DHX38: variants seen among roughly 807,000 people sequenced by gnomAD.
The protein encoded by DHX38 is DEAH-box helicase 38.
A neutral mutation model predicts 153.1 loss-of-function variants in DHX38; 100 were observed. The observed-to-expected ratio is 0.65, with a 90% CI of 0.56 to 0.77. The LOEUF (loss-of-function observed/expected upper bound fraction) is 0.77, where lower values mean the gene tolerates loss of function less well. DHX38 is among the 30% of genes least tolerant of loss of function. DHX38 has a pLI of 0.00. For missense variants in DHX38, 1,440 were observed against 1,654.0 expected (o/e 0.87, Z 2.24); for synonymous variants, 650 against 631.7 (o/e 1.03, Z -0.43).
In DHX38 at chr16:72,096,463, A is replaced by G; in HGVS notation, c.306A>G (p.Gln102=). The G allele has an allele frequency of 6.2e-7, 1 of 1,612,576 alleles. No homozygotes were observed. Residue 102 remains glutamine (Q), a synonymous_variant, in exon 2 of 27, where the codon CAA becomes CAG. Coordinates refer to ENST00000268482, the MANE Select transcript of DHX38 (RefSeq NM_014003.4). ...AAGAGGGCGGTGACCAGGCTGGCCAAAATATCCGGAAAGACAGGTAAAGGC... is the reference window on the plus strand; with the variant it reads ...AAGAGGGCGGTGACCAGGCTGGCCAGAATATCCGGAAAGACAGGTAAAGGC... The part of the protein sequence containing the change: ...AEEEGGDQAG[Q]NIRKDRHYRS...
At position 72,096,278 on chromosome 16, in the gene DHX38, G is replaced by T; in HGVS notation, c.121G>T (p.Ala41Ser). The T allele has an allele frequency of 6.2e-7, 1 of 1,614,178 alleles. No homozygotes were observed. Among genetic ancestry groups the T allele is most frequent in the East Asian group, 2.2e-5 (1 of 44,880 alleles). ...SAASEQHVFK[A>S]PAPRPSLLGL... is the part of the protein sequence containing the mutation. ...GGCCAGCGAGCAGCATGTCTTCAAG[G>T]CTCCTGCTCCCCGCCCTTCATTACT... The change falls in exon 2 of 27, where the codon GCT becomes TCT. Residue 41 changes from alanine to serine, a missense_variant. Around this residue, in one of 6 missense-constraint regions of DHX38, gnomAD observed 483 missense variants for 465.1 expected, o/e 1.04. Coordinates refer to ENST00000268482, the MANE Select transcript of DHX38 (RefSeq NM_014003.4).
At position 72,096,322 on chromosome 16, in the gene DHX38, T is replaced by A; in HGVS notation, c.165T>A (p.Ala55=). 6.2e-7 allele frequency: 1 copy of A among 1,614,210 alleles called. No individual in the cohort carries two copies. Among genetic ancestry groups the A allele is most frequent in the Non-Finnish European group, 8.5e-7 (1 of 1,180,030 alleles). The part of the protein sequence containing the change: ...RPSLLGLDLL[A]SLKRREREEK... Reference sequence around the variant, plus strand: ...CATTACTCGGACTGGACTTGCTGGCTTCCCTGAAACGGAGAGAGCGAGAGG... The same window carrying A: ...CATTACTCGGACTGGACTTGCTGGCATCCCTGAAACGGAGAGAGCGAGAGG... Residue 55 remains alanine (A), a synonymous_variant, in exon 2 of 27, where the codon GCT becomes GCA. Coordinates refer to ENST00000268482, the MANE Select transcript of DHX38 (RefSeq NM_014003.4).
At chr16:72,105,477 C>T (rs201627330) in intron 17 of DHX38, 40 bp from the exon 18 acceptor site, 39 of 1,610,630 alleles carry the variant, frequency 2.4e-5, no homozygotes, top group Middle Eastern at 1.6e-4. Flanking sequence ...TTTCCTGTCT[C>T]GAGGGACTCA....
intron 11 of DHX38, among the ~76,000 whole-genome samples, chr16:72,102,255 G>T (rs61060922): frequency 0.044 from 6,728 of 152,242 alleles, 160 homozygotes; most frequent in Non-Finnish European, 0.056. Flanking sequence ...CGAGAAGTTG[G>T]TACTATTGAT....
In DHX38 at chr16:72,096,290, C is replaced by T. The variant is rs372776663; in HGVS notation, c.133C>T (p.Arg45Cys). Residue 45 changes from arginine (R) to cysteine (C), a missense_variant, in exon 2 of 27, where the codon CGC becomes TGC. This residue lies in a region of DHX38 where 483 missense variants were observed against 465.1 expected (regional missense o/e 1.04). Coordinates refer to ENST00000268482, the MANE Select transcript of DHX38 (RefSeq NM_014003.4). ...GCATGTCTTCAAGGCTCCTGCTCCC[C>T]GCCCTTCATTACTCGGACTGGACTT... ...EQHVFKAPAP[R>C]PSLLGLDLLA... The T allele has an allele frequency of 2.4e-5, 39 of 1,614,038 alleles. No homozygotes were observed. Among genetic ancestry groups the T allele is most frequent in the Admixed American group, 5.0e-5 (3 of 59,994 alleles).
intron 3 of DHX38, chr16:72,097,457 G>T: frequency 1.9e-6 from 1 of 518,710 alleles, no homozygotes; most frequent in South Asian, 2.7e-5. Context: ...AATTCTTGCT[G>T]GAAAATAACT....
chr16:72,101,639 C>G, intron 11 of DHX38, 27 bp downstream of exon 11: 3 of 1,541,370 alleles, frequency 1.9e-6, no homozygotes, highest in Non-Finnish European at 2.6e-6. Flanking sequence ...AGCAGCACAT[C>G]AGCCTTGCTC....
At chr16:72,103,883 G>T (rs977467604) in intron 13 of DHX38, 63 bp from the exon 14 acceptor site, 2 of 1,605,842 alleles carry the variant, frequency 1.2e-6, no homozygotes, top group Non-Finnish European at 1.7e-6. Context: ...TCGGACCCCA[G>T]TACGGGGTGT....
At chr16:72,108,188 C>T in intron 21 of DHX38, 39 bp from the exon 22 acceptor site, 1 of 1,609,002 alleles carries the variant, frequency 6.2e-7, no homozygotes, top group South Asian at 1.1e-5. Flanking sequence ...GGCCTGGACC[C>T]CCCTGTACTT....
At position 72,104,101 on chromosome 16, in the gene DHX38, C is replaced by T. The variant is rs899704090; in HGVS notation, c.1980C>T (p.Asn660=). The change falls in exon 14 of 27, where the codon AAC becomes AAT. Residue 660 remains asparagine (N), a synonymous_variant. Transcript: ENST00000268482. This position sits in a 1 kb window ranked among gnomAD's most constrained non-coding sequence, Gnocchi z 4.5. Reference sequence around the variant, plus strand: ...ACGAGGCCCACGAGCGCTCCCTCAACACTGACGTGCTCTTTGGGCTGCTCC... The same window carrying T: ...ACGAGGCCCACGAGCGCTCCCTCAATACTGACGTGCTCTTTGGGCTGCTCC... The part of the protein sequence containing the change: ...IMDEAHERSL[N]TDVLFGLLRE... 5.0e-6 allele frequency: 8 copies of T among 1,614,166 alleles called. No individual in the cohort carries two copies. The highest frequency in any genetic ancestry group is 1.1e-5 in the South Asian group (1 of 91,076).
At position 72,096,722 on chromosome 16, in the gene DHX38, A is replaced by T. The variant is rs1048203645; in HGVS notation, c.324-100A>T. ...TGTGAGCCTGCGTCCCAGGGAGAGA[A>T]AGTGGAAAAGGACAGATCACTTGTT... On this transcript the variant is annotated intron_variant, in intron 2 of 26. Coordinates refer to ENST00000268482, the MANE Select transcript of DHX38 (RefSeq NM_014003.4). The T allele has an allele frequency of 6.7e-6, 10 of 1,502,128 alleles. No homozygotes were observed. In the Admixed American group the frequency reaches 6.7e-5, roughly 10 times the overall value. The allele number at this position is 1,502,128 out of a possible 1,614,324, so 93.0% of individuals were successfully genotyped here. A position where few individuals can be genotyped will look rare whatever the true frequency, so the allele number is the denominator to read the frequency against.
In DHX38 at chr16:72,104,624, A is replaced by G. The variant is rs1468799097; in HGVS notation, c.2149A>G (p.Lys717Glu). The G allele has an allele frequency of 6.2e-7, 1 of 1,614,086 alleles. No homozygotes were observed. The highest frequency in any genetic ancestry group is 8.5e-7 in the Non-Finnish European group (1 of 1,179,996). The change falls in exon 15 of 27, where the codon AAG becomes GAG. Residue 717 changes from lysine (K) to glutamate (E), a missense_variant and splice_region_variant. This residue lies in a region of DHX38 where 543 missense variants were observed against 717.9 expected (regional missense o/e 0.76). Coordinates refer to ENST00000268482, the MANE Select transcript of DHX38 (RefSeq NM_014003.4). This position sits in a 1 kb window ranked among gnomAD's most constrained non-coding sequence, Gnocchi z 4.5. ...CTTCCCTGTTGACATCCTCTTCAGC[A>G]AGGTATTGAGGCCACCATGTTACGA... is the stretch of plus-strand genomic sequence containing the variant. ...RTFPVDILFS[K>E]TPQEDYVEAA... is the part of the protein sequence containing the mutation.
In DHX38 at chr16:72,098,713, CA is replaced by C; in HGVS notation, c.686del (p.Gln229ArgfsTer29). 1 of 1,614,034 alleles carries C rather than the reference CA, an allele frequency of 6.2e-7. No homozygotes were observed. Among genetic ancestry groups the C allele is most frequent in the Non-Finnish European group, 8.5e-7 (1 of 1,180,002 alleles). On this transcript the variant is annotated frameshift_variant, in exon 5 of 27. Coordinates refer to ENST00000268482, the MANE Select transcript of DHX38 (RefSeq NM_014003.4). LOFTEE classifies it high-confidence loss of function. ...TGGCTATGGCTCCTCAAGGCGCTCACAGTGGGAATCGCCCTCCCCGACGCCT... is the reference window on the plus strand; with the variant it reads ...TGGCTATGGCTCCTCAAGGCGCTCACGTGGGAATCGCCCTCCCCGACGCCT... ...DSGYGSSRRS[Q>X]WESPSPTPSY...
chr16:72,111,174 T>C (rs1368722846), intron 26 of DHX38, 97 bp downstream of exon 26: 5 of 1,432,282 alleles, frequency 3.5e-6, no homozygotes, highest in Non-Finnish European at 1.8e-6. Context: ...TATGGGAAGG[T>C]GCATGTGTGA....
At position 72,100,685 on chromosome 16, in the gene DHX38, C is replaced by T. The variant is rs1231664726; in HGVS notation, c.1278+88C>T. On this transcript the variant is annotated intron_variant, in intron 9 of 26. Transcript: ENST00000268482. ...GTGGCTCATGCCTGTCATCCCGGCA[C>T]TTTGGGAGGCTGAGGAGGGTGGATC... The T allele has an allele frequency of 2.6e-6, 4 of 1,540,578 alleles. No homozygotes were observed. The African/African-American group carries it at 5.4e-5, about 21-fold the overall frequency.
At position 72,096,452 on chromosome 16, in the gene DHX38, C is replaced by T; in HGVS notation, c.295C>T (p.Gln99Ter). The T allele has an allele frequency of 6.2e-7, 1 of 1,613,186 alleles. No homozygotes were observed. Among genetic ancestry groups the T allele is most frequent in the Non-Finnish European group, 8.5e-7 (1 of 1,179,666 alleles). The stretch of plus-strand genomic sequence containing the variant: ...GGATGCTGAGGAAGAGGGCGGTGAC[C>T]AGGCTGGCCAAAATATCCGGAAAGA... Reference protein sequence around the residue: ...QKDAEEEGGDQAGQNIRKDRH... With the variant: ...QKDAEEEGGD Residue 99 changes from glutamine (Q) to a stop codon, truncating the protein, a stop_gained, in exon 2 of 27, where the codon CAG becomes TAG. Transcript: ENST00000268482. LOFTEE classifies it high-confidence loss of function.
At position 72,101,496 on chromosome 16, in the gene DHX38, T is replaced by C; in HGVS notation, c.1387-4T>C. On this transcript the variant is annotated splice_region_variant and splice_polypyrimidine_tract_variant and intron_variant, in intron 10 of 26. Transcript: ENST00000268482. ...TGGAGCAGACTGACCTTTTTCCTTT[T>C]CAGGCTCAGCACAAACACTGGGAAC... 3 of 1,551,698 alleles carry C rather than the reference T, an allele frequency of 1.9e-6. No homozygotes were observed. Among genetic ancestry groups the C allele is most frequent in the South Asian group, 2.4e-5 (2 of 84,064 alleles).
Position 72,096,957 on chromosome 16 carries a change from T to C in DHX38, c.459T>C (p.Asp153=), listed in dbSNP as rs749463201. 3.1e-6 allele frequency: 5 copies of C among 1,613,862 alleles called. No individual in the cohort carries two copies. The highest frequency in any genetic ancestry group is 1.1e-5 in the South Asian group (1 of 91,064). The change falls in exon 3 of 27, where the codon GAT becomes GAC. Residue 153 remains aspartate (D), a synonymous_variant. Transcript: ENST00000268482. Reference sequence around the variant, plus strand: ...ATGCCTCGTCCAAAGAAGAAAAGGATTGGAAGAAGGAGAAATCGCGGGATC... The same window carrying C: ...ATGCCTCGTCCAAAGAAGAAAAGGACTGGAAGAAGGAGAAATCGCGGGATC... ...GVYASSKEEK[D]WKKEKSRDRD...
chr16:72,101,195 T>C lies in DHX38; in HGVS notation c.1386+2T>C, dbSNP rs772274856. ...AGGGAGCAGAAGGAGCGCAAGAAGG[T>C]TGGTTTCTTGGTTTCGTGGCTGGGA... On this transcript the variant is annotated splice_donor_variant, in intron 10 of 26. Transcript: ENST00000268482. LOFTEE classifies it high-confidence loss of function. 1 of 1,613,876 alleles carries C rather than the reference T, an allele frequency of 6.2e-7. No homozygotes were observed. The highest frequency in any genetic ancestry group is 8.5e-7 in the Non-Finnish European group (1 of 1,179,936).
Sources: gnomAD v4.1 joint callset for allele counts (sites outside exome capture counted in the v4.1 genomes callset) on GRCh38, gnomAD v4.1.1 for gene constraint, gnomAD v4.1.1 regional missense constraint, Gnocchi (gnomAD v3.1) non-coding constraint, MANE v1.5 for transcripts, NCBI Gene and HGNC (gene_info 2026-07-23, HGNC 2026-07-21) for gene names.